RPS6KC1: variants seen among roughly 807,000 people sequenced by gnomAD.
The protein encoded by RPS6KC1 is ribosomal protein S6 kinase C1, also known as inactive ribosomal protein S6 kinase delta-1.
Under a neutral mutation model 103.8 loss-of-function variants are expected in RPS6KC1, and 54 were observed. The observed-to-expected ratio is 0.52, with a 90% confidence interval of 0.42 to 0.65. RPS6KC1 has a LOEUF of 0.65. Among genes scored for constraint, RPS6KC1 ranks in the 30% least tolerant of loss-of-function variants. The probability of loss-of-function intolerance (pLI) is 0.00; values close to 1 mark genes in which losing one functional copy is unlikely to be tolerated. For synonymous variants in RPS6KC1, 439 were observed against 438.7 expected (o/e 1.00, Z -0.01); for missense variants, 1,151 against 1,253.8 (o/e 0.92, Z 1.24).
In RPS6KC1 at chr1:213,129,577, C is replaced by T; in HGVS notation, c.523C>T (p.Leu175Phe). ...ATCTCTTACTGTTGATGTGGATTCT[C>T]TTGCTGAGTTAGATGATGGAATGGC... ...LVSLTVDVDS[L>F]AELDDGMASN... Residue 175 changes from leucine (L) to phenylalanine (F), a missense_variant, in exon 6 of 15, where the codon CTT (leucine) becomes TTT (phenylalanine). Transcript: ENST00000366960. 3 of 1,613,736 alleles carry T rather than the reference C, an allele frequency of 1.9e-6. No homozygotes were observed. The highest frequency in any genetic ancestry group is 2.5e-6 in the Non-Finnish European group (3 of 1,179,778).
At chr1:213,333,678 A>G in the RPS6KC1 span, among the ~76,000 whole-genome samples, 5 of 152,008 alleles carry the variant, frequency 3.3e-5, no homozygotes, top group Admixed American at 6.6e-5. Context: ...TTATTTTTTG[A>G]GATGGAATCT....
At chr1:213,338,203 C>A in the RPS6KC1 span, among the ~76,000 whole-genome samples, 1 of 152,312 alleles carries the variant, frequency 6.6e-6, no homozygotes, top group Non-Finnish European at 1.5e-5. Flanking sequence ...ATCCTCACAT[C>A]AAGTCCAAAC....
chr1:213,793,134 G>T, the RPS6KC1 span, among the ~76,000 whole-genome samples: 1 of 152,136 alleles, frequency 6.6e-6, no homozygotes, highest in Admixed American at 6.5e-5. Context: ...GGAATTACAG[G>T]TTCGGTCGTG....
chr1:213,263,788 T>C (rs2094852657), intron 14 of RPS6KC1, among the ~76,000 whole-genome samples: 1 of 152,102 alleles, frequency 6.6e-6, no homozygotes, highest in African/African-American at 2.4e-5. Flanking sequence ...CACATGGAAA[T>C]TGATAAAGGC....
the RPS6KC1 span, among the ~76,000 whole-genome samples, chr1:213,750,082 A>G: frequency 1.3e-5 from 2 of 152,212 alleles, no homozygotes; most frequent in African/African-American, 2.4e-5. Context: ...AAATTTGACA[A>G]TCTGACACTG....
chr1:213,403,284 G>C, the RPS6KC1 span, among the ~76,000 whole-genome samples: 1 of 152,152 alleles, frequency 6.6e-6, no homozygotes, highest in East Asian at 1.9e-4. Context: ...TCTCACTGGG[G>C]AGTCCTGCTG....
At chr1:213,413,091 C>T in the RPS6KC1 span, among the ~76,000 whole-genome samples, 8 of 152,154 alleles carry the variant, frequency 5.3e-5, no homozygotes, top group South Asian at 4.2e-4. Context: ...GAATGAATGA[C>T]GATGTGACGG....
At chr1:213,476,892 T>C in the RPS6KC1 span, among the ~76,000 whole-genome samples, 1 of 152,246 alleles carries the variant, frequency 6.6e-6, no homozygotes, top group Admixed American at 6.5e-5. Flanking sequence ...ACTTACATAA[T>C]AGGGTTTAGG....
At chr1:213,080,696 C>G (rs2079794199) in intron 3 of RPS6KC1, among the ~76,000 whole-genome samples, 1 of 152,162 alleles carries the variant, frequency 6.6e-6, no homozygotes, top group South Asian at 2.1e-4. Flanking sequence ...CCCCGAGTAG[C>G]TGGGACTATA....
the RPS6KC1 span, among the ~76,000 whole-genome samples, chr1:213,769,414 C>A: frequency 5.9e-4 from 90 of 151,876 alleles, no homozygotes; most frequent in African/African-American, 2.2e-3. Context: ...TCTGATGGTC[C>A]TTTTGGACCA....
At chr1:213,308,945 T>C in the RPS6KC1 span, among the ~76,000 whole-genome samples, 68,489 of 152,088 alleles carry the variant, frequency 0.45, 18,876 homozygotes, top group East Asian at 0.66. Context: ...ACTGTTCCAG[T>C]CATGGGCAAA....
In RPS6KC1 at chr1:213,051,374, GGGTGGCGGCGGCGGCAGA is replaced by G. The variant is rs2076929070; in HGVS notation, c.-28_-11del. On this transcript the variant is annotated 5_prime_UTR_variant, in exon 1 of 15. Coordinates refer to ENST00000366960, the MANE Select transcript of RPS6KC1 (RefSeq NM_012424.6). Reference sequence around the variant, plus strand: ...CCGGGTTTCCCTCATGATCCCGGGCGGGTGGCGGCGGCGGCAGAGGCGGCGGGAGGATGACCTCTTACC... The same window carrying G: ...CCGGGTTTCCCTCATGATCCCGGGCGGGCGGCGGGAGGATGACCTCTTACC... The G allele has an allele frequency of 2.6e-6, 4 of 1,535,672 alleles. No individual in the cohort carries two copies. Among genetic ancestry groups the G allele is most frequent in the Non-Finnish European group, 3.6e-6 (4 of 1,114,064 alleles).
chr1:213,520,806 G>A, the RPS6KC1 span, among the ~76,000 whole-genome samples: 1 of 152,162 alleles, frequency 6.6e-6, no homozygotes, highest in African/African-American at 2.4e-5. Flanking sequence ...AGAAGGGTGT[G>A]TGCTCTCTTT....
At chr1:213,603,855 G>A in the RPS6KC1 span, among the ~76,000 whole-genome samples, 1 of 151,308 alleles carries the variant, frequency 6.6e-6, no homozygotes, top group Non-Finnish European at 1.5e-5. Context: ...GGGAGACTCT[G>A]TCTCAAAAAA....
chr1:213,234,589 T>C (rs764471839), intron 10 of RPS6KC1, among the ~76,000 whole-genome samples: 2 of 152,148 alleles, frequency 1.3e-5, no homozygotes, highest in African/African-American at 2.4e-5. Flanking sequence ...AAGAAAGGTA[T>C]CATTTGGTTG....
chr1:213,663,490 T>C, the RPS6KC1 span, among the ~76,000 whole-genome samples: 1 of 152,222 alleles, frequency 6.6e-6, no homozygotes, highest in South Asian at 2.1e-4. Flanking sequence ...ACATCTATTC[T>C]GTTCTCTTTT....
the RPS6KC1 span, among the ~76,000 whole-genome samples, chr1:213,395,492 A>G: frequency 6.6e-6 from 1 of 152,138 alleles, no homozygotes; most frequent in Non-Finnish European, 1.5e-5. Flanking sequence ...GCATGCTGAC[A>G]CTCAAGGCTT....
At chr1:213,817,657 C>T in the RPS6KC1 span, 3 of 152,286 alleles carry the variant, frequency 2.0e-5, no homozygotes, top group African/African-American at 7.2e-5. Context: ...GAATGTTAGT[C>T]CCAGAGTTCT....
At chr1:213,549,512 C>G in the RPS6KC1 span, among the ~76,000 whole-genome samples, 1 of 151,926 alleles carries the variant, frequency 6.6e-6, no homozygotes. Context: ...GAAAAATGTT[C>G]CCTGTTCTCT....
Sources: gnomAD v4.1 joint callset for allele counts (sites outside exome capture counted in the v4.1 genomes callset) on GRCh38, gnomAD v4.1.1 for gene constraint, MANE v1.5 for transcripts, NCBI Gene and HGNC (gene_info 2026-07-23, HGNC 2026-07-21) for gene names.